ANKRD42: variants seen among roughly 807,000 people sequenced by gnomAD.
ANKRD42 encodes the protein ankyrin repeat domain 42, also known as ankyrin repeat domain-containing protein 42.
ANKRD42 carries 43 observed loss-of-function variants against 51.5 expected under a neutral mutation model. The ratio of observed to expected loss-of-function variants is 0.83; its 90% CI spans 0.65 to 1.08. ANKRD42 has a LOEUF of 1.08. ANKRD42 is among the 50% of genes least tolerant of loss of function. The probability of loss-of-function intolerance (pLI) is 0.00; values close to 1 mark genes in which losing one functional copy is unlikely to be tolerated. For missense variants in ANKRD42, 608 were observed against 629.3 expected (o/e 0.97, Z 0.36); for synonymous variants, 203 against 213.0 (o/e 0.95, Z 0.41).
At chr11:83,216,563 G>A (rs906964678) in intron 5 of ANKRD42, among the ~76,000 whole-genome samples, 10 of 150,840 alleles carry the variant, frequency 6.6e-5, no homozygotes, top group South Asian at 6.3e-4. Context: ...TGACCTCGTG[G>A]TCCGCCCGCC....
At chr11:83,239,059 A>G (rs750682207) in intron 8 of ANKRD42, among the ~76,000 whole-genome samples, 4 of 152,050 alleles carry the variant, frequency 2.6e-5, no homozygotes, top group Admixed American at 6.5e-5. Flanking sequence ...CTGTTGTTCT[A>G]CATTCTCACC....
At chr11:83,261,861 C>A, downstream of ANKRD42, 1 of 1,328,962 alleles carries the variant, frequency 7.5e-7, no homozygotes, top group Non-Finnish European at 1.1e-6. Context: ...AAATCTCTCC[C>A]GGTTTGGTGT....
chr11:83,204,490 G>T (rs534489617), intron 2 of ANKRD42, among the ~76,000 whole-genome samples: 129 of 152,234 alleles, frequency 8.5e-4, no homozygotes, highest in Non-Finnish European at 1.5e-3. Context: ...AAGTAGATAG[G>T]GAAGGAGGCA....
At chr11:83,200,242 ACTC>A (rs1367947787) in intron 2 of ANKRD42, among the ~76,000 whole-genome samples, 1 of 149,796 alleles carries the variant, frequency 6.7e-6, no homozygotes, top group Non-Finnish European at 1.5e-5. Context: ...TGGTTAACTC[ACTC>A]CTCCTATTGT....
intron 5 of ANKRD42, 109 bp from the exon 6 acceptor site, chr11:83,224,746 T>C (rs2135526926): frequency 2.3e-6 from 2 of 859,950 alleles, no homozygotes. Flanking sequence ...ATTGTGCCAC[T>C]GCACTCCAGC....
At chr11:83,246,590 A>C (rs1306334194) in intron 10 of ANKRD42, among the ~76,000 whole-genome samples, 1 of 152,176 alleles carries the variant, frequency 6.6e-6, no homozygotes, top group Non-Finnish European at 1.5e-5. Context: ...GATTTAATCA[A>C]ACATGGGTCC....
intron 11 of ANKRD42, chr11:83,255,754 A>ATTTTT: frequency 1.1e-6 from 1 of 924,364 alleles, no homozygotes; most frequent in Non-Finnish European, 1.6e-6. Flanking sequence ...AGCATGGTTA[A>ATTTTT]TTTTTTTTTC....
At chr11:83,209,886 T>C (rs761555492) in intron 3 of ANKRD42, 1 of 449,382 alleles carries the variant, frequency 2.2e-6, no homozygotes, top group Non-Finnish European at 4.0e-6. Flanking sequence ...GCCACGATGT[T>C]GTCTGTATCC....
intron 7 of ANKRD42, among the ~76,000 whole-genome samples, chr11:83,234,681 TAAATATGATTTTTTG>T (rs1863175442): frequency 6.6e-6 from 1 of 152,246 alleles, no homozygotes; most frequent in African/African-American, 2.4e-5. Context: ...TCCATGCTCA[TAAATATGATTTTTTG>T]ACTCTTAATG....
chr11:83,229,817 G>C (rs1211032442), intron 7 of ANKRD42, among the ~76,000 whole-genome samples: 3 of 152,128 alleles, frequency 2.0e-5, no homozygotes, highest in African/African-American at 7.2e-5. Context: ...AGCTGGAAAA[G>C]AGCATTGTTG....
chr11:83,204,270 A>C (rs1181548773), intron 2 of ANKRD42, among the ~76,000 whole-genome samples: 2 of 152,218 alleles, frequency 1.3e-5, no homozygotes, highest in African/African-American at 4.8e-5. Context: ...CAAAGATGCA[A>C]ATGTAATTCA....
At chr11:83,255,359 G>A (rs1387118300) in intron 11 of ANKRD42, among the ~76,000 whole-genome samples, 1 of 152,166 alleles carries the variant, frequency 6.6e-6, no homozygotes, top group Non-Finnish European at 1.5e-5. Flanking sequence ...CAGGCAAAGT[G>A]CAAAATGAGA....
At chr11:83,203,160 AT>A (rs1565176172) in intron 2 of ANKRD42, among the ~76,000 whole-genome samples, 1 of 151,054 alleles carries the variant, frequency 6.6e-6, no homozygotes, top group Non-Finnish European at 1.5e-5. Context: ...TACCTGTCTA[AT>A]TTTTTGTATT....
rs1382050432 is a variant in ANKRD42 at position 83,194,046 on chromosome 11, C to A, written c.-625C>A. On this transcript the variant is annotated 5_prime_UTR_variant, in exon 1 of 11. Transcript: ENST00000533342. Reference sequence around the variant, plus strand: ...GTGACTTGAGAAGGGTCAGTGAAAACCTCGGCCACTGCCGCAGCGTCTCTA... The same window carrying A: ...GTGACTTGAGAAGGGTCAGTGAAAAACTCGGCCACTGCCGCAGCGTCTCTA... 2.2e-6 allele frequency: 1 copy of A among 456,522 alleles called. No homozygotes were observed. 28.3% of individuals were successfully genotyped at this position (456,522 alleles called of 1,614,324 possible).
At chr11:83,251,954 C>G (rs553585262), downstream of ANKRD42, among the ~76,000 whole-genome samples, 1 of 152,170 alleles carries the variant, frequency 6.6e-6, no homozygotes, top group Non-Finnish European at 1.5e-5. Context: ...TATGAACAGA[C>G]TTGAAAAGGC....
chr11:83,221,035 T>A (rs757330195), intron 5 of ANKRD42, among the ~76,000 whole-genome samples: 7 of 152,184 alleles, frequency 4.6e-5, no homozygotes. Flanking sequence ...ATTTGGTCTT[T>A]TGAGATAATT....
At chr11:83,223,379 C>T (rs1474271611) in intron 5 of ANKRD42, among the ~76,000 whole-genome samples, 1 of 152,104 alleles carries the variant, frequency 6.6e-6, no homozygotes, top group Non-Finnish European at 1.5e-5. Context: ...GCTACTATTT[C>T]GGTTGGCCAG....
intron 1 of ANKRD42, among the ~76,000 whole-genome samples, chr11:83,195,438 C>T (rs551491909): frequency 6.6e-6 from 1 of 152,288 alleles, no homozygotes; most frequent in East Asian, 1.9e-4. Context: ...AAAAAGCATT[C>T]TAATACAGAG....
intron 6 of ANKRD42, among the ~76,000 whole-genome samples, chr11:83,227,410 G>A (rs1294246692): frequency 6.6e-6 from 1 of 152,154 alleles, no homozygotes; most frequent in Non-Finnish European, 1.5e-5. Flanking sequence ...ACCATGCCCG[G>A]CTTCTAAGTG....
Sources: gnomAD v4.1 joint callset for allele counts (sites outside exome capture counted in the v4.1 genomes callset) on GRCh38, gnomAD v4.1.1 for gene constraint, MANE v1.5 for transcripts, NCBI Gene and HGNC (gene_info 2026-07-23, HGNC 2026-07-21) for gene names.